MACROD2: variants seen among roughly 807,000 people sequenced by gnomAD.
The protein encoded by MACROD2 is mono-ADP ribosylhydrolase 2.
A neutral mutation model predicts 70.4 loss-of-function variants in MACROD2; 36 were observed. The ratio of observed to expected loss-of-function variants is 0.51; its 90% CI spans 0.39 to 0.68. MACROD2 has a LOEUF of 0.68. Among genes scored for constraint, MACROD2 ranks in the 30% least tolerant of loss-of-function variants. The probability of loss-of-function intolerance (pLI) is 0.00; values close to 1 mark genes in which losing one functional copy is unlikely to be tolerated. For synonymous variants in MACROD2, 172 were observed against 178.8 expected (o/e 0.96, Z 0.30); for missense variants, 496 against 538.4 (o/e 0.92, Z 0.78).
At chr20:15,222,397 A>G (rs548729364) in intron 5 of MACROD2, among the ~76,000 whole-genome samples, 123 of 152,348 alleles carry the variant, frequency 8.1e-4, no homozygotes, top group Middle Eastern at 3.4e-3. Flanking sequence ...TTGTAATGCT[A>G]TCAGGTGGTA....
chr20:15,349,272 C>T (rs1409391518), intron 6 of MACROD2, among the ~76,000 whole-genome samples: 1 of 152,138 alleles, frequency 6.6e-6, no homozygotes, highest in Non-Finnish European at 1.5e-5. Flanking sequence ...AGAAATGTAT[C>T]CTTTTTCATT....
chr20:15,376,584 T>C (rs1410972359), intron 6 of MACROD2, among the ~76,000 whole-genome samples: 2 of 152,246 alleles, frequency 1.3e-5, no homozygotes, highest in African/African-American at 2.4e-5. Flanking sequence ...ACCTTACTCC[T>C]ACCACTGGGA....
intron 3 of MACROD2, among the ~76,000 whole-genome samples, chr20:14,243,063 T>G (rs1394068296): frequency 6.6e-6 from 1 of 152,194 alleles, no homozygotes; most frequent in Admixed American, 6.5e-5. Flanking sequence ...ATTGTATGTT[T>G]TGGCTCATCA....
intron 4 of MACROD2, among the ~76,000 whole-genome samples, chr20:14,623,333 G>T (rs1030556298): frequency 2.0e-5 from 3 of 152,102 alleles, no homozygotes; most frequent in Non-Finnish European, 4.4e-5. Context: ...ATATATGTTG[G>T]ACTGGATCCA....
rs184803632 is a variant in MACROD2 at position 15,845,751 on chromosome 20, T to C, written c.646-16994T>C. 1.4e-3 allele frequency among the ~76,000 whole-genome samples: 209 copies of C among 152,292 alleles called. 1 individual carries two copies. The highest frequency in any genetic ancestry group is 4.7e-3 in the African/African-American group (196 of 41,566). On this transcript the variant is annotated intron_variant, in intron 8 of 17. Transcript: ENST00000684519. ...ATTTTCAACAGTTGCTATGTGATAA[T>C]TACTTCACACACATCATTTCTTTGA...
intron 9 of MACROD2, among the ~76,000 whole-genome samples, chr20:15,884,133 T>G (rs1026790105): frequency 6.6e-6 from 1 of 152,014 alleles, no homozygotes; most frequent in Non-Finnish European, 1.5e-5. Context: ...AGGGGATGGA[T>G]GGATGGAGGA....
At chr20:15,393,403 T>G (rs2045818094) in intron 6 of MACROD2, among the ~76,000 whole-genome samples, 1 of 152,216 alleles carries the variant, frequency 6.6e-6, no homozygotes, top group Non-Finnish European at 1.5e-5. Context: ...GCATTCTTCC[T>G]TCCAGTCACG....
intron 8 of MACROD2, among the ~76,000 whole-genome samples, chr20:15,644,290 C>T (rs1016008431): frequency 1.3e-5 from 2 of 152,116 alleles, no homozygotes; most frequent in South Asian, 2.1e-4. Flanking sequence ...CCCACTTACC[C>T]AGTAATATAG....
chr20:15,647,448 G>C (rs1026396263), intron 8 of MACROD2, among the ~76,000 whole-genome samples: 1 of 152,160 alleles, frequency 6.6e-6, no homozygotes, highest in Admixed American at 6.5e-5. Flanking sequence ...GATCTGCCAT[G>C]CTAAGGAGTC....
At chr20:15,203,054 T>C (rs758978599) in intron 5 of MACROD2, among the ~76,000 whole-genome samples, 2 of 152,192 alleles carry the variant, frequency 1.3e-5, no homozygotes, top group African/African-American at 4.8e-5. Flanking sequence ...CACAATTCTT[T>C]GTTCATATTG....
At chr20:14,550,282 T>G (rs1978567332) in intron 4 of MACROD2, among the ~76,000 whole-genome samples, 1 of 152,042 alleles carries the variant, frequency 6.6e-6, no homozygotes, top group African/African-American at 2.4e-5. Context: ...TTTAATGGCC[T>G]TCCTTTCCCT....
At chr20:14,472,839 C>T (rs1021782049) in intron 3 of MACROD2, among the ~76,000 whole-genome samples, 8 of 151,924 alleles carry the variant, frequency 5.3e-5, no homozygotes, top group Middle Eastern at 3.4e-3. Flanking sequence ...GAGTGAGCTG[C>T]GTGGCATTAA....
At chr20:15,413,862 A>G (rs61283075) in intron 6 of MACROD2, among the ~76,000 whole-genome samples, 1 of 152,304 alleles carries the variant, frequency 6.6e-6, no homozygotes, top group East Asian at 1.9e-4. Context: ...ACAAGAAACG[A>G]TACCTTAGCT....
intron 5 of MACROD2, among the ~76,000 whole-genome samples, chr20:14,933,133 T>C (rs1410870804): frequency 1.3e-5 from 2 of 152,134 alleles, no homozygotes; most frequent in African/African-American, 4.8e-5. Flanking sequence ...TCATGCTTCA[T>C]GGCTTTTGAA....
chr20:14,652,322 A>G (rs1449836132), intron 4 of MACROD2, among the ~76,000 whole-genome samples: 1 of 152,148 alleles, frequency 6.6e-6, no homozygotes, highest in Non-Finnish European at 1.5e-5. Context: ...TTACCATAAT[A>G]TTTTATCTCA....
chr20:15,573,625 A>G (rs1248645401), intron 8 of MACROD2, among the ~76,000 whole-genome samples: 1 of 152,120 alleles, frequency 6.6e-6, no homozygotes, highest in African/African-American at 2.4e-5. Flanking sequence ...TCTGCTAGGT[A>G]AATCTGAAAT....
chr20:14,556,214 A>G (rs1979020020), intron 4 of MACROD2, among the ~76,000 whole-genome samples: 1 of 152,048 alleles, frequency 6.6e-6, no homozygotes, highest in South Asian at 2.1e-4. Flanking sequence ...TATTACTTTC[A>G]GTTCCACCAA....
At chr20:15,287,673 G>T (rs2077504065) in intron 6 of MACROD2, among the ~76,000 whole-genome samples, 1 of 152,176 alleles carries the variant, frequency 6.6e-6, no homozygotes, top group Admixed American at 6.5e-5. Context: ...GAATAAAGGG[G>T]GCGTATGGGT....
chr20:14,164,338 G>A (rs8125471), intron 3 of MACROD2, among the ~76,000 whole-genome samples: 30,881 of 152,072 alleles, frequency 0.2, 3,248 homozygotes, highest in Admixed American at 0.24. Context: ...AGTGGTGGCA[G>A]CAGTGAGCTG....
Sources: allele counts gnomAD v4.1 joint callset (sites outside exome capture counted in the v4.1 genomes callset), GRCh38; gene constraint gnomAD v4.1.1; transcripts MANE v1.5; gene names NCBI Gene and HGNC (gene_info 2026-07-23, HGNC 2026-07-21).